SGCD: variants seen among roughly 807,000 people sequenced by gnomAD.
The protein encoded by SGCD is delta-sarcoglycan.
In SGCD, 18 loss-of-function variants were observed where a neutral mutation model predicts 36.6. The observed-to-expected ratio is 0.49, with a 90% CI of 0.34 to 0.73. The LOEUF (loss-of-function observed/expected upper bound fraction) is 0.73. Ranked by LOEUF, SGCD falls within the 30% of genes least tolerant of loss-of-function variation. SGCD has a pLI of 0.01. For missense variants in SGCD, 387 were observed against 346.7 expected, an observed-to-expected ratio of 1.12 and a Z score of -0.92; for synonymous variants, 133 against 130.6, an observed-to-expected ratio of 1.02 and a Z score of -0.12.
intron 6 of SGCD, among the ~76,000 whole-genome samples, chr5:156,639,558 G>A (rs1762952829): frequency 6.6e-6 from 1 of 152,056 alleles, no homozygotes; most frequent in African/African-American, 2.4e-5. Flanking sequence ...GCTACCTCAT[G>A]GTATTTCTCT....
chr5:155,873,145 C>T (rs551112583), intron 1 of SGCD, among the ~76,000 whole-genome samples: 1 of 152,228 alleles, frequency 6.6e-6, no homozygotes, highest in South Asian at 2.1e-4. Context: ...GTGATCCCTC[C>T]CTCCCCAGTA....
intron 1 of SGCD, among the ~76,000 whole-genome samples, chr5:156,068,227 T>C (rs1455980271): frequency 1.3e-5 from 2 of 151,362 alleles, no homozygotes; most frequent in Non-Finnish European, 3.0e-5. Flanking sequence ...ACCCATTAAC[T>C]CGTCATTTAG....
chr5:156,253,146 A>C (rs1765626102), intron 3 of SGCD, among the ~76,000 whole-genome samples: 1 of 152,146 alleles, frequency 6.6e-6, no homozygotes, highest in Non-Finnish European at 1.5e-5. Context: ...AATGTCAGAG[A>C]GTAGAGGGCT....
At chr5:155,743,987 ATCT>A in the SGCD span, among the ~76,000 whole-genome samples, 1 of 152,224 alleles carries the variant, frequency 6.6e-6, no homozygotes, top group South Asian at 2.1e-4. Context: ...GCAATAGTAA[ATCT>A]TCTTTGGAGG....
At chr5:156,646,325 G>C (rs755253712) in intron 6 of SGCD, among the ~76,000 whole-genome samples, 1 of 152,132 alleles carries the variant, frequency 6.6e-6, no homozygotes, top group Admixed American at 6.5e-5. Flanking sequence ...CCATTCAGTG[G>C]GCACCAGCTT....
chr5:156,128,907 A>G (rs1762245186), intron 3 of SGCD, among the ~76,000 whole-genome samples: 1 of 152,346 alleles, frequency 6.6e-6, no homozygotes, highest in East Asian at 1.9e-4. Flanking sequence ...CACACATAAT[A>G]ACATGGACAA....
At chr5:156,206,890 T>C (rs1019152140) in intron 3 of SGCD, among the ~76,000 whole-genome samples, 4 of 151,884 alleles carry the variant, frequency 2.6e-5, no homozygotes, top group South Asian at 2.1e-4. Context: ...AAAAGACTGA[T>C]AGTTATTTTT....
chr5:156,642,189 C>T (rs1763051864), intron 6 of SGCD, among the ~76,000 whole-genome samples: 1 of 152,148 alleles, frequency 6.6e-6, no homozygotes, highest in Non-Finnish European at 1.5e-5. Context: ...ATGACCTCAT[C>T]TAAACCTAAT....
intron 1 of SGCD, among the ~76,000 whole-genome samples, chr5:155,989,228 G>T (rs1020240735): frequency 1.1e-4 from 16 of 152,114 alleles, no homozygotes; most frequent in South Asian, 2.1e-4. Context: ...GGCTTTGTAG[G>T]TTATGTGGTT....
intron 1 of SGCD, among the ~76,000 whole-genome samples, chr5:156,029,736 C>T (rs1287275238): frequency 6.6e-6 from 1 of 152,160 alleles, no homozygotes. Flanking sequence ...TGTTCAATAT[C>T]CATCTTCTAC....
intron 4 of SGCD, among the ~76,000 whole-genome samples, chr5:156,522,343 A>G (rs1757445735): frequency 6.6e-6 from 1 of 152,124 alleles, no homozygotes; most frequent in African/African-American, 2.4e-5. Flanking sequence ...AAAGTATAAT[A>G]ATAAAAAAGA....
At chr5:155,878,353 C>G (rs2113289551) in intron 1 of SGCD, among the ~76,000 whole-genome samples, 1 of 152,168 alleles carries the variant, frequency 6.6e-6, no homozygotes, top group South Asian at 2.1e-4. Context: ...GGCTTGTCCT[C>G]TTACGTGAGC....
At chr5:156,303,355 G>A (rs187099086) in intron 3 of SGCD, among the ~76,000 whole-genome samples, 1 of 152,056 alleles carries the variant, frequency 6.6e-6, no homozygotes, top group Non-Finnish European at 1.5e-5. Flanking sequence ...ACCAGGCCTG[G>A]GTCTCTCCCT....
chr5:156,072,063 A>G (rs1054846474), intron 1 of SGCD, among the ~76,000 whole-genome samples: 2 of 152,094 alleles, frequency 1.3e-5, no homozygotes, highest in Admixed American at 1.3e-4. Context: ...CAGCACACTG[A>G]TGGGTCTTGA....
intron 1 of SGCD, among the ~76,000 whole-genome samples, chr5:156,111,949 TTG>T (rs1761798463): frequency 6.6e-6 from 1 of 152,092 alleles, no homozygotes; most frequent in Non-Finnish European, 1.5e-5. Context: ...CAGCTAGTTT[TTG>T]TATTTTTAGT....
At chr5:155,921,273 G>A (rs1249102332) in intron 1 of SGCD, among the ~76,000 whole-genome samples, 1 of 152,154 alleles carries the variant, frequency 6.6e-6, no homozygotes, top group East Asian at 1.9e-4. Context: ...AGCAGTTTCT[G>A]TGGAGGTCTG....
At position 156,246,645 on chromosome 5, in the gene SGCD, G is replaced by A. The variant is rs73811550; in HGVS notation, c.-43-82889G>A. Among the ~76,000 whole-genome samples the A allele has an allele frequency of 7.0e-3, 1,067 of 152,256 alleles. 10 individuals carry two copies. Among genetic ancestry groups the A allele is most frequent in the African/African-American group, 0.024 (1,014 of 41,556 alleles). ...AGCCGGAGAAATTTTTTAAAACCAT[G>A]TGCAGAATATAGAGTATCACTATAT... On this transcript the variant is annotated intron_variant, in intron 3 of 9. Transcript: ENST00000517913.
At chr5:156,106,615 T>C (rs1761655534) in intron 1 of SGCD, among the ~76,000 whole-genome samples, 1 of 152,198 alleles carries the variant, frequency 6.6e-6, no homozygotes, top group Non-Finnish European at 1.5e-5. Flanking sequence ...TACTGATATG[T>C]AATTAACCAT....
At chr5:156,398,852 T>C (rs1771998059) in intron 3 of SGCD, among the ~76,000 whole-genome samples, 1 of 152,162 alleles carries the variant, frequency 6.6e-6, no homozygotes, top group Non-Finnish European at 1.5e-5. Flanking sequence ...TTTGGGTATA[T>C]TGTCTAATAT....
Sources: gnomAD v4.1 joint callset for allele counts (sites outside exome capture counted in the v4.1 genomes callset) on GRCh38, gnomAD v4.1.1 for gene constraint, MANE v1.5 for transcripts, NCBI Gene and HGNC (gene_info 2026-07-23, HGNC 2026-07-21) for gene names.